Variants in RFX7 observed in about 807,000 individuals in gnomAD.
RFX7 encodes the protein DNA-binding protein RFX7.
RFX7 carries 26 observed loss-of-function variants against 111.8 expected under a neutral mutation model. The ratio of observed to expected loss-of-function variants is 0.23; its 90% CI spans 0.17 to 0.32. RFX7 has a LOEUF of 0.32. Among genes scored for constraint, RFX7 ranks in the 10% least tolerant of loss-of-function variants. The probability of loss-of-function intolerance (pLI) is 1.00; values close to 1 mark genes in which losing one functional copy is unlikely to be tolerated. For missense variants in RFX7, 1,573 were observed against 1,772.9 expected (o/e 0.89, Z 2.02); for synonymous variants, 624 against 624.4 (o/e 1.00, Z 0.01).
chr15:56,134,636 T>C (rs1353196594), intron 5 of RFX7, among the ~76,000 whole-genome samples: 1 of 143,128 alleles, frequency 7.0e-6, no homozygotes, highest in East Asian at 2.0e-4. Flanking sequence ...TTTTTTATTA[T>C]ACTTTAAGTT....
upstream of RFX7, among the ~76,000 whole-genome samples, chr15:56,244,797 C>A (rs2043805281): frequency 6.6e-6 from 1 of 151,526 alleles, no homozygotes; most frequent in African/African-American, 2.4e-5. Context: ...CACCCGCCCT[C>A]CCCCCGCAGA....
At position 56,094,894 on chromosome 15, in the gene RFX7, A is replaced by G; in HGVS notation, c.2834T>C (p.Ile945Thr). ...TGTGGGTGTGGGTGTGGGTGTGTGG[A>G]TTGGAGTGCCATTGCTGTGGATTGG... The part of the protein sequence containing the change: ...YHPIHSNGTP[I>T]HTPTPTPTPT... The change falls in exon 10 of 10, where the codon ATC becomes ACC. Residue 945 changes from isoleucine to threonine, a missense_variant. Ile to Thr is a moderately conservative substitution (Grantham distance 89, BLOSUM62 -1). This residue lies in a region of RFX7 where 625 missense variants were observed against 632.2 expected (regional missense o/e 0.99). Coordinates refer to ENST00000559447, the MANE Select transcript of RFX7 (RefSeq NM_022841.7). 2 of 1,566,554 alleles carry G rather than the reference A, an allele frequency of 1.3e-6. No individual in the cohort carries two copies. Among genetic ancestry groups the G allele is most frequent in the Non-Finnish European group, 1.7e-6 (2 of 1,155,930 alleles).
intron 3 of RFX7, among the ~76,000 whole-genome samples, chr15:56,171,738 A>C (rs2042847041): frequency 6.6e-6 from 1 of 152,184 alleles, no homozygotes. Flanking sequence ...TAGGAGACTA[A>C]TACAGATAGT....
At chr15:56,172,603 T>G (rs555643246) in intron 3 of RFX7, among the ~76,000 whole-genome samples, 1 of 152,094 alleles carries the variant, frequency 6.6e-6, no homozygotes, top group African/African-American at 2.4e-5. Context: ...AGGTATAGAA[T>G]TGAGCAAGTA....
At chr15:56,242,365 G>A (rs1485174736) in intron 2 of RFX7, among the ~76,000 whole-genome samples, 2 of 152,136 alleles carry the variant, frequency 1.3e-5, no homozygotes, top group East Asian at 3.8e-4. Context: ...ATTCCCACTA[G>A]ACTTTAGGAG....
intron 2 of RFX7, among the ~76,000 whole-genome samples, chr15:56,185,970 A>G (rs2043033841): frequency 6.6e-6 from 1 of 152,140 alleles, no homozygotes; most frequent in Non-Finnish European, 1.5e-5. Context: ...GCAGTTTCAC[A>G]TTTGTCTCTG....
chr15:56,153,631 T>G (rs762319607), intron 3 of RFX7, among the ~76,000 whole-genome samples: 1 of 152,202 alleles, frequency 6.6e-6, no homozygotes, highest in Non-Finnish European at 1.5e-5. Context: ...TAGGTATTGA[T>G]GGAACTTATC....
intron 2 of RFX7, among the ~76,000 whole-genome samples, chr15:56,200,095 A>G (rs1374138380): frequency 1.3e-5 from 2 of 152,180 alleles, no homozygotes; most frequent in Non-Finnish European, 2.9e-5. Flanking sequence ...TAGAAACATT[A>G]TATATTGTCA....
intron 2 of RFX7, among the ~76,000 whole-genome samples, chr15:56,184,045 A>G (rs1298603093): frequency 1.4e-5 from 2 of 147,390 alleles, no homozygotes; most frequent in Admixed American, 6.8e-5. Context: ...TTTGAGACAG[A>G]GTTTTGCTTT....
chr15:56,181,046 A>G (rs2042965729), intron 2 of RFX7, among the ~76,000 whole-genome samples: 2 of 152,242 alleles, frequency 1.3e-5, no homozygotes, highest in Admixed American at 6.5e-5. Context: ...TACTCCCAAC[A>G]AAGTGGCCAG....
chr15:56,228,070 T>C (rs1181061516), intron 2 of RFX7, among the ~76,000 whole-genome samples: 2 of 152,152 alleles, frequency 1.3e-5, no homozygotes, highest in African/African-American at 4.8e-5. Context: ...AGTTCAAATA[T>C]GATATAATTC....
chr15:56,126,844 T>A (rs1275250706), intron 5 of RFX7, among the ~76,000 whole-genome samples: 1 of 152,130 alleles, frequency 6.6e-6, no homozygotes, highest in Admixed American at 6.5e-5. Flanking sequence ...CGTAACTTTT[T>A]ATGCAGCAAA....
chr15:56,243,302 G>A lies in RFX7; in HGVS notation c.-2-15C>T. On this transcript the variant is annotated splice_polypyrimidine_tract_variant and intron_variant, in intron 1 of 9. Transcript: ENST00000559447. Reference sequence around the variant, plus strand: ...CTCTGCCATCGCTGCAGAGGGGTGGGAGGGAGGGAGGGAAAGATGGGGGCG... The same window carrying A: ...CTCTGCCATCGCTGCAGAGGGGTGGAAGGGAGGGAGGGAAAGATGGGGGCG... The A allele has an allele frequency of 9.9e-7, 1 of 1,005,610 alleles. No homozygotes were observed. Among genetic ancestry groups the A allele is most frequent in the Non-Finnish European group, 1.3e-6 (1 of 773,894 alleles). The allele number at this position is 1,005,610 out of a possible 1,614,324, so 62.3% of individuals were successfully genotyped here.
At chr15:56,129,043 C>T (rs1177513690) in intron 5 of RFX7, among the ~76,000 whole-genome samples, 1 of 151,924 alleles carries the variant, frequency 6.6e-6, no homozygotes, top group African/African-American at 2.4e-5. Context: ...AAAATATACC[C>T]CATGTTCATG....
intron 8 of RFX7, among the ~76,000 whole-genome samples, chr15:56,100,157 A>C (rs1595923003): frequency 6.6e-6 from 1 of 152,188 alleles, no homozygotes; most frequent in Non-Finnish European, 1.5e-5. Flanking sequence ...TCCATTACTT[A>C]TGTGCCCATG....
chr15:56,205,243 A>C (rs1446673108), intron 2 of RFX7, among the ~76,000 whole-genome samples: 1 of 152,226 alleles, frequency 6.6e-6, no homozygotes, highest in South Asian at 2.1e-4. Flanking sequence ...TGCCAGTAGC[A>C]GGAAACTCAA....
chr15:56,153,474 C>T (rs2042605054), intron 3 of RFX7, among the ~76,000 whole-genome samples: 1 of 152,070 alleles, frequency 6.6e-6, no homozygotes, highest in Admixed American at 6.6e-5. Context: ...CGTAATCCAT[C>T]CACATAAATC....
chr15:56,218,570 C>A (rs2043392036), intron 2 of RFX7, among the ~76,000 whole-genome samples: 1 of 152,186 alleles, frequency 6.6e-6, no homozygotes, highest in African/African-American at 2.4e-5. Context: ...TACAGAGGGA[C>A]TGCTCGCTGT....
chr15:56,131,699 C>T (rs1487008113), intron 5 of RFX7, among the ~76,000 whole-genome samples: 1 of 152,084 alleles, frequency 6.6e-6, no homozygotes, highest in Non-Finnish European at 1.5e-5. Flanking sequence ...AAGTCTTGTT[C>T]AACTATAAGT....
Sources: gnomAD v4.1 joint callset for allele counts (sites outside exome capture counted in the v4.1 genomes callset) on GRCh38, gnomAD v4.1.1 for gene constraint, gnomAD v4.1.1 regional missense constraint, MANE v1.5 for transcripts, NCBI Gene and HGNC (gene_info 2026-07-23, HGNC 2026-07-21) for gene names.